The following KMT2C variants were observed in gnomAD, a reference collection of about 807,000 sequenced individuals.
The protein encoded by KMT2C is histone-lysine N-methyltransferase 2C.
A neutral mutation model predicts 507.9 loss-of-function variants in KMT2C; 88 were observed. The observed-to-expected ratio is 0.17, with a 90% CI of 0.15 to 0.21. The LOEUF (loss-of-function observed/expected upper bound fraction) is 0.21. Among genes scored for constraint, KMT2C ranks in the 10% least tolerant of loss-of-function variants. The probability of loss-of-function intolerance (pLI) is 1.00; values close to 1 mark genes in which losing one functional copy is unlikely to be tolerated. For synonymous variants in KMT2C, 2,049 were observed against 2,080.8 expected, an observed-to-expected ratio of 0.98 and a Z score of 0.42; for missense variants, 4,954 against 5,957.8, an observed-to-expected ratio of 0.83 and a Z score of 5.55.
At chr7:152,312,174 C>T (rs1394355016) in intron 4 of KMT2C, 7 of 332,800 alleles carry the variant, frequency 2.1e-5, no homozygotes, top group Middle Eastern at 8.5e-4. Context: ...TCTCCAAACC[C>T]ACAGGGAAGT....
At chr7:152,348,325 G>C (rs747213998) in intron 2 of KMT2C, among the ~76,000 whole-genome samples, 3 of 152,026 alleles carry the variant, frequency 2.0e-5, no homozygotes, top group Non-Finnish European at 4.4e-5. Context: ...GGCCAGGCAT[G>C]GTGGCTCACA....
At chr7:152,273,570 G>A (rs1213013875) in intron 7 of KMT2C, 135 bp downstream of exon 7, 4 of 916,544 alleles carry the variant, frequency 4.4e-6, no homozygotes, top group Non-Finnish European at 4.4e-6. Flanking sequence ...CCCTGGCAAC[G>A]ATCCCTCAGA....
chr7:152,272,504 A>T (rs568247013), intron 7 of KMT2C, among the ~76,000 whole-genome samples: 1 of 152,202 alleles, frequency 6.6e-6, no homozygotes, highest in African/African-American at 2.4e-5. Flanking sequence ...ATCCACTCTG[A>T]TAACTGCCAG....
chr7:152,141,297 C>T (rs929252610), intron 55 of KMT2C, among the ~76,000 whole-genome samples: 1 of 152,054 alleles, frequency 6.6e-6, no homozygotes, highest in Non-Finnish European at 1.5e-5. Context: ...GCACTCCAGT[C>T]TGGGTGACAG....
At chr7:152,379,194 T>C (rs2097351310) in intron 1 of KMT2C, among the ~76,000 whole-genome samples, 1 of 152,154 alleles carries the variant, frequency 6.6e-6, no homozygotes, top group African/African-American at 2.4e-5. Context: ...CCCCCATCTT[T>C]TCATTCTTTC....
At chr7:152,215,533 A>G (rs1407515308) in intron 23 of KMT2C, among the ~76,000 whole-genome samples, 4 of 149,370 alleles carry the variant, frequency 2.7e-5, no homozygotes, top group Non-Finnish European at 5.9e-5. Context: ...AAAAAAAAAA[A>G]AAAAAAAGAT....
Position 152,239,445 on chromosome 7 carries a change from G to A in KMT2C, c.2533-619C>T, listed in dbSNP as rs537935041. Among the ~76,000 whole-genome samples, 322 of 152,240 alleles carry A rather than the reference G, an allele frequency of 2.1e-3. 3 individuals are homozygous for A. The highest frequency in any genetic ancestry group is 0.01 in the Middle Eastern group (3 of 294). ...ACCATTAGTTGTCGGTTTGGTTTTG[G>A]TTTTTACTTAGGGAAATGAATACTT... On this transcript the variant is annotated intron_variant, in intron 14 of 58. Transcript: ENST00000262189.
chr7:152,140,392 T>C (rs1367449944), intron 55 of KMT2C, among the ~76,000 whole-genome samples: 3 of 152,226 alleles, frequency 2.0e-5, no homozygotes, highest in Non-Finnish European at 2.9e-5. Flanking sequence ...GGAAAGAAGT[T>C]TGAACGGGCT....
Position 152,271,660 on chromosome 7 carries a change from C to T in KMT2C, c.1012+2045G>A, listed in dbSNP as rs138070023. Among the ~76,000 whole-genome samples, 1,098 of 125,104 alleles carry T rather than the reference C, an allele frequency of 8.8e-3. 17 individuals are homozygous for T. Among genetic ancestry groups the T allele is most frequent in the African/African-American group, 0.034 (1,051 of 31,006 alleles). The allele number at this position is 125,104 out of a possible 152,430, so 82.1% of individuals were successfully genotyped here. On this transcript the variant is annotated intron_variant, in intron 7 of 58. Transcript: ENST00000262189. ...CTGCATTCCAGCCAGAGTGACAGTG[C>T]GAGACTCCATCTCAAAAAAAAAAAA...
At chr7:152,161,897 C>G (rs2092473343) in intron 43 of KMT2C, among the ~76,000 whole-genome samples, 1 of 152,032 alleles carries the variant, frequency 6.6e-6, no homozygotes, top group African/African-American at 2.4e-5. Flanking sequence ...CAATACATGC[C>G]TTTGCTTTTT....
chr7:152,326,754 G>A (rs1468025127), intron 3 of KMT2C, among the ~76,000 whole-genome samples: 7 of 152,084 alleles, frequency 4.6e-5, no homozygotes, highest in Admixed American at 2.0e-4. Flanking sequence ...GGTGGCAGGC[G>A]CCTGTGGTCC....
At chr7:152,230,107 T>A in intron 17 of KMT2C, 80 bp from the exon 18 acceptor site, 6 of 874,502 alleles carry the variant, frequency 6.9e-6, no homozygotes, top group African/African-American at 1.7e-5. Flanking sequence ...AATACCTTCT[T>A]AACTAATATA....
intron 9 of KMT2C, among the ~76,000 whole-genome samples, chr7:152,254,076 G>T (rs1440667431): frequency 1.3e-5 from 2 of 152,156 alleles, no homozygotes; most frequent in Non-Finnish European, 2.9e-5. Context: ...CCATAGATCA[G>T]CTAGTCTTAA....
At position 152,297,957 on chromosome 7, in the gene KMT2C, A is replaced by G. The variant is rs2096531643; in HGVS notation, c.849+12009T>C. 2.0e-5 allele frequency among the ~76,000 whole-genome samples: 3 copies of G among 152,206 alleles called. No individual in the cohort carries two copies. The South Asian group carries it at 6.2e-4, about 31-fold the overall frequency. ...AAAAAGTTAAATAGAGACATGGGAGATAAACAAGAAAAGCCAAAATCAAAC... is the reference window on the plus strand; with the variant it reads ...AAAAAGTTAAATAGAGACATGGGAGGTAAACAAGAAAAGCCAAAATCAAAC... On this transcript the variant is annotated intron_variant, in intron 6 of 58. Coordinates refer to ENST00000262189, the MANE Select transcript of KMT2C (RefSeq NM_170606.3).
At chr7:152,212,559 T>C (rs2094478105) in intron 23 of KMT2C, among the ~76,000 whole-genome samples, 1 of 152,128 alleles carries the variant, frequency 6.6e-6, no homozygotes, top group South Asian at 2.1e-4. Flanking sequence ...TTCAGTCAAG[T>C]AGCAGGATAC....
chr7:152,202,045 A>G (rs754978132), intron 26 of KMT2C, among the ~76,000 whole-genome samples: 9 of 152,362 alleles, frequency 5.9e-5, no homozygotes, highest in African/African-American at 1.9e-4. Context: ...AAAACCAATT[A>G]AACTAGTAAT....
At position 152,252,108 on chromosome 7, in the gene KMT2C, C is replaced by T. The variant is rs763970452; in HGVS notation, c.1470-18G>A. ...GAACCCACCTGCAGTGATAAGTATACTTAAATAAAAATTTCTAACATCGAG... is the reference window on the plus strand; with the variant it reads ...GAACCCACCTGCAGTGATAAGTATATTTAAATAAAAATTTCTAACATCGAG... On this transcript the variant is annotated intron_variant, in intron 10 of 58. Coordinates refer to ENST00000262189, the MANE Select transcript of KMT2C (RefSeq NM_170606.3). 5 of 1,544,348 alleles carry T rather than the reference C, an allele frequency of 3.2e-6. No individual in the cohort carries two copies. The highest frequency in any genetic ancestry group is 2.0e-5 in the Admixed American group (1 of 50,648).
chr7:152,189,368 C>T (rs1176176256), intron 31 of KMT2C, among the ~76,000 whole-genome samples: 1 of 152,144 alleles, frequency 6.6e-6, no homozygotes, highest in East Asian at 1.9e-4. Context: ...ATTGTTGCAA[C>T]ACTTAGAGCC....
intron 1 of KMT2C, among the ~76,000 whole-genome samples, chr7:152,374,856 C>G: frequency 6.8e-6 from 1 of 146,670 alleles, no homozygotes; most frequent in East Asian, 2.0e-4. Flanking sequence ...GTACTCTAGC[C>G]TTAGTGACAC....
Sources: gnomAD v4.1 joint callset for allele counts (sites outside exome capture counted in the v4.1 genomes callset) on GRCh38, gnomAD v4.1.1 for gene constraint, MANE v1.5 for transcripts, NCBI Gene and HGNC (gene_info 2026-07-23, HGNC 2026-07-21) for gene names.